The following USP25 variants were observed in gnomAD, a reference collection of about 807,000 sequenced individuals.
USP25 encodes ubiquitin specific peptidase 25, also known as ubiquitin carboxyl-terminal hydrolase 25.
In USP25, 85 loss-of-function variants were observed where a neutral mutation model predicts 158.5. The ratio of observed to expected loss-of-function variants is 0.54; its 90% CI spans 0.45 to 0.64. The LOEUF is 0.64. Among genes scored for constraint, USP25 ranks in the 30% least tolerant of loss-of-function variants. The pLI, the probability that USP25 is intolerant of heterozygous loss-of-function variation, is 0.00. For missense variants in USP25, 1,242 were observed against 1,327.3 expected (o/e 0.94, Z 1.00); for synonymous variants, 464 against 460.4 (o/e 1.01, Z -0.10).
At chr21:15,786,645 G>A (rs1372007692) in intron 4 of USP25, among the ~76,000 whole-genome samples, 3 of 152,040 alleles carry the variant, frequency 2.0e-5, no homozygotes, top group Non-Finnish European at 4.4e-5. Flanking sequence ...CCATAGTTGA[G>A]AAACCCACAG....
At chr21:15,775,876 T>C (rs1317095412) in intron 3 of USP25, among the ~76,000 whole-genome samples, 1 of 151,898 alleles carries the variant, frequency 6.6e-6, no homozygotes, top group African/African-American at 2.4e-5. Context: ...TTTTTTTTTA[T>C]GTTTAGTTTC....
chr21:15,877,133 G>A (rs1478026801), intron 24 of USP25: 2 of 152,174 alleles, frequency 1.3e-5, no homozygotes, highest in Admixed American at 6.5e-5. Flanking sequence ...TGGCAGAGTT[G>A]AATAGTTGCA....
rs1415648614 is a variant in USP25, at chr21:15,826,652, T to TA, written c.1466+292dup. 1.3e-5 allele frequency among the ~76,000 whole-genome samples: 2 copies of TA among 152,174 alleles called. No individual in the cohort carries two copies. Among genetic ancestry groups the TA allele is most frequent in the Middle Eastern group, 3.2e-3 (1 of 316 alleles). On this transcript the variant is annotated intron_variant, in intron 13 of 25. Coordinates refer to ENST00000400183, the MANE Select transcript of USP25 (RefSeq NM_001283041.3). This position sits in a 1 kb window ranked among gnomAD's most constrained non-coding sequence, Gnocchi z 4.8. ...ATAAGATTCAGCATTTTATGATCCA[T>TA]AAAAATAGTACTATCAAATTAGAAT...
chr21:15,818,544 G>T (rs1366683710), intron 9 of USP25, among the ~76,000 whole-genome samples, 154 bp from the exon 10 acceptor site: 1 of 152,114 alleles, frequency 6.6e-6, no homozygotes, highest in Non-Finnish European at 1.5e-5. Flanking sequence ...TTGCACATGT[G>T]TATAAACCAA....
intron 20 of USP25, among the ~76,000 whole-genome samples, chr21:15,855,674 A>T (rs1268062473): frequency 6.6e-6 from 1 of 152,208 alleles, no homozygotes; most frequent in African/African-American, 2.4e-5. Context: ...CTTTCAAGTC[A>T]GTTACACATC....
chr21:15,769,247 A>G (rs1264636480), intron 3 of USP25, among the ~76,000 whole-genome samples: 2 of 152,060 alleles, frequency 1.3e-5, no homozygotes, highest in African/African-American at 2.4e-5. Context: ...TAGGACAATT[A>G]TATGCCTTTT....
intron 23 of USP25, among the ~76,000 whole-genome samples, chr21:15,870,902 A>G (rs149773433): frequency 5.3e-5 from 8 of 152,338 alleles, no homozygotes; most frequent in Admixed American, 3.3e-4. Context: ...TTCTGGAGCT[A>G]TGCTGTCCAA....
chr21:15,798,157 A>C (rs2035952890), intron 5 of USP25, among the ~76,000 whole-genome samples: 1 of 151,184 alleles, frequency 6.6e-6, no homozygotes, highest in South Asian at 2.1e-4. Context: ...GCAGTTGCCA[A>C]ATCCAAAGGT....
chr21:15,828,123 A>G lies in USP25; in HGVS notation c.1693+920A>G, dbSNP rs551394764. 5.9e-5 allele frequency among the ~76,000 whole-genome samples: 9 copies of G among 152,334 alleles called. No homozygotes were observed. The East Asian group carries it at 1.7e-3, about 29-fold the overall frequency. ...TTATATGACCAACTTAACTCTTTATAGACAATATTTGAAAAAGAATGGCCC... is the reference window on the plus strand; with the variant it reads ...TTATATGACCAACTTAACTCTTTATGGACAATATTTGAAAAAGAATGGCCC... On this transcript the variant is annotated intron_variant, in intron 14 of 25. Coordinates refer to ENST00000400183, the MANE Select transcript of USP25 (RefSeq NM_001283041.3).
intron 20 of USP25, among the ~76,000 whole-genome samples, chr21:15,861,997 A>G (rs1160080286): frequency 6.6e-6 from 1 of 152,138 alleles, no homozygotes; most frequent in Non-Finnish European, 1.5e-5. Flanking sequence ...ATAAGAGGTT[A>G]TATATTTCAG....
chr21:15,823,971 G>T, intron 10 of USP25, 68 bp from the exon 11 acceptor site: 2 of 1,479,616 alleles, frequency 1.4e-6, no homozygotes, highest in East Asian at 4.8e-5. Context: ...CACATCCTGT[G>T]CCTAAGATTG....
intron 9 of USP25, among the ~76,000 whole-genome samples, chr21:15,813,304 A>C (rs186675589): frequency 6.6e-6 from 1 of 152,270 alleles, no homozygotes; most frequent in South Asian, 2.1e-4. Context: ...GAAAATCTTT[A>C]CCTCAGATTT....
chr21:15,800,448 T>C (rs1171264123), intron 6 of USP25, among the ~76,000 whole-genome samples: 1 of 150,680 alleles, frequency 6.6e-6, no homozygotes, highest in Non-Finnish European at 1.5e-5. Flanking sequence ...GAGCATTAAA[T>C]GAGGTAAAAC....
intron 20 of USP25, among the ~76,000 whole-genome samples, chr21:15,863,578 A>T (rs1004103508): frequency 6.6e-6 from 1 of 152,246 alleles, no homozygotes; most frequent in Non-Finnish European, 1.5e-5. Flanking sequence ...TTAGAAAGGT[A>T]AAACAGAACG....
At chr21:15,775,990 T>G (rs1256568907) in intron 3 of USP25, among the ~76,000 whole-genome samples, 2 of 152,092 alleles carry the variant, frequency 1.3e-5, no homozygotes, top group African/African-American at 4.8e-5. Flanking sequence ...GATTTTCAAA[T>G]TTTTTCCACT....
chr21:15,864,370 A>G lies in USP25; in HGVS notation c.2650A>G (p.Asn884Asp). 2 of 1,613,062 alleles carry G rather than the reference A, an allele frequency of 1.2e-6. No individual in the cohort carries two copies. Among genetic ancestry groups the G allele is most frequent in the Non-Finnish European group, 1.7e-6 (2 of 1,179,728 alleles). Residue 884 changes from asparagine to aspartate, a missense_variant, in exon 21 of 26, where the codon AAC becomes GAC. Physicochemically the swap from Asn to Asp is conservative, Grantham distance 23. Transcript: ENST00000400183. ...LHHVVVYFIQNQAPKKIIEKT... is the reference protein window; with the variant it reads ...LHHVVVYFIQDQAPKKIIEKT... ...TCATGTAGTGGTCTACTTTATCCAG[A>G]ACCAGGCACCAAAGAAAATTATTGA... is the stretch of plus-strand genomic sequence containing the variant.
intron 8 of USP25, among the ~76,000 whole-genome samples, chr21:15,809,683 A>G (rs1479751010): frequency 1.3e-5 from 2 of 152,222 alleles, no homozygotes; most frequent in Non-Finnish European, 2.9e-5. Context: ...CAGGGTTTCA[A>G]AGAGATATTT....
intron 14 of USP25, among the ~76,000 whole-genome samples, chr21:15,828,181 T>C (rs2037620542): frequency 6.6e-6 from 1 of 152,162 alleles, no homozygotes; most frequent in African/African-American, 2.4e-5. Context: ...GGTATGATGG[T>C]GACTAACAGC....
chr21:15,877,180 C>T (rs2146617957), intron 24 of USP25: 1 of 152,308 alleles, frequency 6.6e-6, no homozygotes, highest in Admixed American at 6.5e-5. Flanking sequence ...TATAATAGTC[C>T]TCGTCTGGCC....
Sources: allele counts gnomAD v4.1 joint callset (sites outside exome capture counted in the v4.1 genomes callset), GRCh38; gene constraint gnomAD v4.1.1; non-coding constraint Gnocchi (gnomAD v3.1); transcripts MANE v1.5; gene names NCBI Gene and HGNC (gene_info 2026-07-23, HGNC 2026-07-21).